DSC2: variants seen among roughly 807,000 people sequenced by gnomAD.
DSC2 encodes the protein desmocollin 2, also known as desmocollin-2.
DSC2 carries 51 observed loss-of-function variants against 87.6 expected under a neutral mutation model. The ratio of observed to expected loss-of-function variants is 0.58; its 90% CI spans 0.46 to 0.74. The LOEUF (loss-of-function observed/expected upper bound fraction) is 0.74. Ranked by LOEUF, DSC2 falls within the 30% of genes least tolerant of loss-of-function variation. DSC2 has a pLI of 0.00. For synonymous variants in DSC2, 383 were observed against 393.2 expected (o/e 0.97, Z 0.31); for missense variants, 1,066 against 1,089.5 (o/e 0.98, Z 0.30).
At chr18:31,071,878 A>T in intron 12 of DSC2, 37 bp from the exon 13 acceptor site, 3 of 1,520,982 alleles carry the variant, frequency 2.0e-6, no homozygotes, top group Non-Finnish European at 2.7e-6. Context: ...ACATTATACA[A>T]TGTCACTGAT....
chr18:31,089,565 G>A lies in DSC2; in HGVS notation c.504C>T (p.Thr168=). 2 of 1,613,818 alleles carry A rather than the reference G, an allele frequency of 1.2e-6. No homozygotes were observed. The highest frequency in any genetic ancestry group is 1.7e-6 in the Non-Finnish European group (2 of 1,179,900). Residue 168 remains threonine (T), a synonymous_variant, in exon 5 of 16, where the codon ACC becomes ACT. Coordinates refer to ENST00000280904, the MANE Select transcript of DSC2 (RefSeq NM_024422.6). ...CAGGACCTCTTATGGAATAGTATAT[G>A]GTATAGTTTTGGGCCGTGTCAGATT... is the stretch of plus-strand genomic sequence containing the variant. ...QVQSDTAQNY[T]IYYSIRGPGV... is the part of the protein sequence containing the mutation.
Position 31,062,503 on chromosome 18 carries a change from G to T in DSC2, c.*5512C>A, listed in dbSNP as rs939835147. The T allele has an allele frequency of 3.3e-5, 5 of 152,078 alleles. No homozygotes were observed. The highest frequency in any genetic ancestry group is 5.9e-5 in the Non-Finnish European group (4 of 68,012). The allele number at this position is 152,078 out of a possible 1,614,324, so 9.4% of individuals were successfully genotyped here. ...CTAAAAATTTTCAAGTTGAGAAAAA[G>T]AATTCTTTAGGCAATATGCAGTCTG... On this transcript the variant is annotated 3_prime_UTR_variant, in exon 16 of 16. Coordinates refer to ENST00000280904, the MANE Select transcript of DSC2 (RefSeq NM_024422.6).
intron 7 of DSC2, among the ~76,000 whole-genome samples, chr18:31,086,007 C>T (rs965476791): frequency 2.0e-5 from 3 of 151,908 alleles, no homozygotes; most frequent in African/African-American, 7.3e-5. Context: ...AATTTGGAGA[C>T]CATGACTCCA....
intron 1 of DSC2, 119 bp from the exon 2 acceptor site, chr18:31,093,762 T>C (rs1987681168): frequency 3.5e-6 from 1 of 288,798 alleles, no homozygotes; most frequent in African/African-American, 2.3e-5. Flanking sequence ...ATATAATACT[T>C]ATATAAATGT....
Position 31,067,107 on chromosome 18 carries a change from AAAGTT to A in DSC2, c.*903_*907del, listed in dbSNP as rs1986647214. ...CAATCACCAAGATATTTGAAACAAC[AAAGTT>A]AACATTACAATGATTTCAAGAAAAA... On this transcript the variant is annotated 3_prime_UTR_variant, in exon 16 of 16. Transcript: ENST00000280904. The A allele has an allele frequency of 1.3e-5, 2 of 152,086 alleles. No individual in the cohort carries two copies. The highest frequency in any genetic ancestry group is 4.1e-4 in the South Asian group (2 of 4,834). 9.4% of individuals were successfully genotyped at this position (152,086 alleles called of 1,614,324 possible). A position where few individuals can be genotyped will look rare whatever the true frequency, so the allele number is the denominator to read the frequency against.
chr18:31,075,502 A>C (rs1252282894), intron 11 of DSC2, among the ~76,000 whole-genome samples: 1 of 152,210 alleles, frequency 6.6e-6, no homozygotes, highest in East Asian at 1.9e-4. Flanking sequence ...GAAAACTGAA[A>C]TAATCACTGT....
In DSC2 at chr18:31,069,022, A is replaced by AG; in HGVS notation, c.2379dup (p.Ser794LeufsTer43). ...TGGCCAGCCCCCCGGCAGGATTCCG[A>AG]GGTCTGGTGTCCTCCTTTCACCATT... On this transcript the variant is annotated frameshift_variant, in exon 15 of 16. Transcript: ENST00000280904. LOFTEE classifies it high-confidence loss of function. 4 of 1,613,972 alleles carry AG rather than the reference A, an allele frequency of 2.5e-6. No individual in the cohort carries two copies. Among genetic ancestry groups the AG allele is most frequent in the Non-Finnish European group, 3.4e-6 (4 of 1,179,960 alleles).
At chr18:31,077,963 T>C (rs1029161926) in intron 11 of DSC2, among the ~76,000 whole-genome samples, 3 of 152,124 alleles carry the variant, frequency 2.0e-5, no homozygotes, top group South Asian at 2.1e-4. Flanking sequence ...TTAAGAAATA[T>C]ATATGTTTAG....
rs1283105269 is a variant in DSC2, at chr18:31,070,861, A to G, written c.2126-11T>C. 13 of 1,613,368 alleles carry G rather than the reference A, an allele frequency of 8.1e-6. No individual in the cohort carries two copies. The highest frequency in any genetic ancestry group is 1.1e-5 in the Non-Finnish European group (13 of 1,179,578). ...GCGTAAACAGGATGCCTGGAGGAAG[A>G]AAGAAATATACTTGAGTTTATCATA... On this transcript the variant is annotated splice_polypyrimidine_tract_variant and intron_variant, in intron 13 of 15. Coordinates refer to ENST00000280904, the MANE Select transcript of DSC2 (RefSeq NM_024422.6).
Position 31,061,659 on chromosome 18 carries a change from T to G in DSC2, c.*6356A>C, listed in dbSNP as rs1338466964. ...TTTTGTTGCCTGTTTTTTAGCATTATGCTCTTTTGTTTTACCTTAAGACTC... is the reference window on the plus strand; with the variant it reads ...TTTTGTTGCCTGTTTTTTAGCATTAGGCTCTTTTGTTTTACCTTAAGACTC... On this transcript the variant is annotated 3_prime_UTR_variant, in exon 16 of 16. Transcript: ENST00000280904. 6.6e-6 allele frequency: 1 copy of G among 152,244 alleles called. No individual in the cohort carries two copies. The highest frequency in any genetic ancestry group is 1.5e-5 in the Non-Finnish European group (1 of 68,042). The allele number at this position is 152,244 out of a possible 1,614,324, so 9.4% of individuals were successfully genotyped here.
At chr18:31,097,643 T>TA (rs1987805231) in intron 1 of DSC2, among the ~76,000 whole-genome samples, 1 of 151,862 alleles carries the variant, frequency 6.6e-6, no homozygotes, top group Non-Finnish European at 1.5e-5. Context: ...ACAAATCATA[T>TA]AAAATCTCAA....
intron 9 of DSC2, among the ~76,000 whole-genome samples, chr18:31,081,423 T>A (rs1987215258): frequency 6.6e-6 from 1 of 152,162 alleles, no homozygotes; most frequent in Non-Finnish European, 1.5e-5. Context: ...CAAATTTCCT[T>A]CTGAGAATAC....
intron 1 of DSC2, among the ~76,000 whole-genome samples, chr18:31,100,065 C>T (rs1987887165): frequency 6.6e-6 from 1 of 152,188 alleles, no homozygotes; most frequent in South Asian, 2.1e-4. Context: ...ATTTCTTACA[C>T]TTAGTATTTA....
chr18:31,076,076 A>G (rs887372069), intron 11 of DSC2, among the ~76,000 whole-genome samples: 4 of 152,174 alleles, frequency 2.6e-5, no homozygotes, highest in Non-Finnish European at 4.4e-5. Flanking sequence ...AAGGCTTTTG[A>G]CATTACAGGT....
intron 1 of DSC2, among the ~76,000 whole-genome samples, chr18:31,096,385 C>T (rs967901735): frequency 1.3e-5 from 2 of 152,196 alleles, no homozygotes; most frequent in African/African-American, 2.4e-5. Context: ...TTTGACTCTG[C>T]TTTGCTGGCC....
Position 31,088,884 on chromosome 18 carries a change from C to A in DSC2, c.630+555G>T, listed in dbSNP as rs545275953. Reference sequence around the variant, plus strand: ...GTGCCAACTAAGTAACTGTTCTTGGCCGGGCACGGTGGCTCAGTCCTGTAA... The same window carrying A: ...GTGCCAACTAAGTAACTGTTCTTGGACGGGCACGGTGGCTCAGTCCTGTAA... On this transcript the variant is annotated intron_variant, in intron 5 of 15. Transcript: ENST00000280904. Among the ~76,000 whole-genome samples, 6 of 152,182 alleles carry A rather than the reference C, an allele frequency of 3.9e-5. No homozygotes were observed. The South Asian group carries it at 1.2e-3, about 32-fold the overall frequency.
At chr18:31,080,488 T>A in intron 9 of DSC2, 136 bp from the exon 10 acceptor site, 1 of 1,061,160 alleles carries the variant, frequency 9.4e-7, no homozygotes, top group Non-Finnish European at 1.4e-6. Context: ...GAAACATATA[T>A]CCAGTGATAT....
chr18:31,071,713 T>C lies in DSC2; in HGVS notation c.2017A>G (p.Thr673Ala), dbSNP rs753266534. Residue 673 changes from threonine to alanine, a missense_variant, in exon 13 of 16, where the codon ACC becomes GCC. Coordinates refer to ENST00000280904, the MANE Select transcript of DSC2 (RefSeq NM_024422.6). ...SLDVTLCDCI[T>A]ENDCTHRVDP... Reference sequence around the variant, plus strand: ...ACACGATGTGTGCAGTCATTTTCGGTAATGCAGTCACACAGTGTAACATCC... The same window carrying C: ...ACACGATGTGTGCAGTCATTTTCGGCAATGCAGTCACACAGTGTAACATCC... 4 of 1,613,960 alleles carry C rather than the reference T, an allele frequency of 2.5e-6. No individual in the cohort carries two copies. Among genetic ancestry groups the C allele is most frequent in the Middle Eastern group, 3.3e-4 (2 of 6,082 alleles).
At chr18:31,068,516 C>T (rs570099592) in intron 15 of DSC2, among the ~76,000 whole-genome samples, 1 of 152,130 alleles carries the variant, frequency 6.6e-6, no homozygotes, top group Non-Finnish European at 1.5e-5. Context: ...ATCCATTAAA[C>T]TGAAGACAAA....
Sources: allele counts gnomAD v4.1 joint callset (sites outside exome capture counted in the v4.1 genomes callset), GRCh38; gene constraint gnomAD v4.1.1; transcripts MANE v1.5; gene names NCBI Gene and HGNC (gene_info 2026-07-23, HGNC 2026-07-21).